Variants in MARCHF10 observed in about 807,000 individuals in gnomAD.
MARCHF10 encodes the protein membrane associated ring-CH-type finger 10.
Under a neutral mutation model 76.2 loss-of-function variants are expected in MARCHF10, and 64 were observed. That is an observed-to-expected ratio of 0.84 (90% CI 0.69 to 1.03). The LOEUF (loss-of-function observed/expected upper bound fraction) is 1.03, where lower values mean the gene tolerates loss of function less well. Ranked by LOEUF, MARCHF10 falls within the 50% of genes least tolerant of loss-of-function variation. The pLI, the probability that MARCHF10 is intolerant of heterozygous loss-of-function variation, is 0.00. For missense variants in MARCHF10, 875 were observed against 958.0 expected (o/e 0.91, Z 1.14); for synonymous variants, 340 against 357.5 (o/e 0.95, Z 0.55).
chr17:62,794,053 ACCATCACCACCT>A (rs913564422), intron 2 of MARCHF10, among the ~76,000 whole-genome samples: 15 of 141,222 alleles, frequency 1.1e-4, no homozygotes, highest in Non-Finnish European at 1.7e-4. Context: ...CTCCATAACC[ACCATCACCACCT>A]CCATCACCAC....
At chr17:62,807,047 T>C (rs896587324) in intron 1 of MARCHF10, among the ~76,000 whole-genome samples, 1 of 152,236 alleles carries the variant, frequency 6.6e-6, no homozygotes, top group African/African-American at 2.4e-5. Flanking sequence ...CTATTGTTAA[T>C]ACCGGACAAT....
At chr17:62,730,516 T>C (rs190889077) in intron 6 of MARCHF10, among the ~76,000 whole-genome samples, 10 of 152,316 alleles carry the variant, frequency 6.6e-5, no homozygotes, top group Non-Finnish European at 1.3e-4. Context: ...CACATAAATG[T>C]TTAAAACCTC....
chr17:62,750,721 G>C (rs552342957), intron 4 of MARCHF10, among the ~76,000 whole-genome samples: 6 of 152,226 alleles, frequency 3.9e-5, no homozygotes, highest in Non-Finnish European at 8.8e-5. Context: ...ACCAAGGGAA[G>C]CGGCACCAGC....
At chr17:62,782,168 G>A (rs1328168854) in intron 3 of MARCHF10, among the ~76,000 whole-genome samples, 1 of 151,898 alleles carries the variant, frequency 6.6e-6, no homozygotes, top group Non-Finnish European at 1.5e-5. Context: ...GTGGACATTG[G>A]ATCTGTCTGA....
At chr17:62,783,743 C>T (rs1447482572) in intron 3 of MARCHF10, among the ~76,000 whole-genome samples, 1 of 152,140 alleles carries the variant, frequency 6.6e-6, no homozygotes, top group Non-Finnish European at 1.5e-5. Context: ...ATACTATAAA[C>T]ACCTCTATGC....
intron 4 of MARCHF10, among the ~76,000 whole-genome samples, chr17:62,747,709 A>G (rs1316709166): frequency 6.6e-6 from 1 of 152,214 alleles, no homozygotes; most frequent in African/African-American, 2.4e-5. Context: ...ACTGAATTTG[A>G]CCAGAAACTC....
intron 6 of MARCHF10, 68 bp downstream of exon 6, chr17:62,735,863 T>C (rs2091238376): frequency 7.0e-7 from 1 of 1,438,012 alleles, no homozygotes; most frequent in Non-Finnish European, 9.5e-7. Flanking sequence ...CATGGCTCTC[T>C]AACGAAAGCA....
chr17:62,729,135 G>GT (rs2090902152), intron 6 of MARCHF10, among the ~76,000 whole-genome samples: 1 of 152,016 alleles, frequency 6.6e-6, no homozygotes, highest in African/African-American at 2.4e-5. Flanking sequence ...TAGAGACGGG[G>GT]TTTTGCCATG....
At chr17:62,731,302 G>A (rs1223748103) in intron 6 of MARCHF10, among the ~76,000 whole-genome samples, 1 of 152,066 alleles carries the variant, frequency 6.6e-6, no homozygotes, top group Non-Finnish European at 1.5e-5. Context: ...TTGCTCTGTT[G>A]CCCAGGCTGG....
At chr17:62,728,583 G>A (rs1279610268) in intron 6 of MARCHF10, among the ~76,000 whole-genome samples, 2 of 152,172 alleles carry the variant, frequency 1.3e-5, no homozygotes, top group Admixed American at 6.5e-5. Context: ...ATTGTTTAAC[G>A]AAGGGAGGAG....
chr17:62,760,028 T>G, intron 3 of MARCHF10, 22 bp from the exon 4 acceptor site: 1 of 1,605,422 alleles, frequency 6.2e-7, no homozygotes, highest in Non-Finnish European at 8.5e-7. Flanking sequence ...GAAATACGTC[T>G]GAGTCTCAGT....
intron 7 of MARCHF10, among the ~76,000 whole-genome samples, chr17:62,723,245 T>G (rs1002322968): frequency 1.3e-5 from 2 of 150,336 alleles, no homozygotes; most frequent in African/African-American, 2.5e-5. Context: ...TAGATCAGCA[T>G]TTTTATCCTA....
At position 62,762,250 on chromosome 17, in the gene MARCHF10, G is replaced by A. The variant is rs536295954; in HGVS notation, c.211-2244C>T. Reference sequence around the variant, plus strand: ...TAGTGCACTGAAGAGGTGAAAGCTTGGCCAATTAAATCATCCTGTTACCTA... The same window carrying A: ...TAGTGCACTGAAGAGGTGAAAGCTTAGCCAATTAAATCATCCTGTTACCTA... On this transcript the variant is annotated intron_variant, in intron 3 of 10. Transcript: ENST00000311269. Among the ~76,000 whole-genome samples, 6 of 152,238 alleles carry A rather than the reference G, an allele frequency of 3.9e-5. No individual in the cohort carries two copies. The East Asian group carries it at 1.2e-3, about 29-fold the overall frequency.
At chr17:62,749,012 C>G (rs1412755839) in intron 4 of MARCHF10, among the ~76,000 whole-genome samples, 1 of 152,154 alleles carries the variant, frequency 6.6e-6, no homozygotes, top group Non-Finnish European at 1.5e-5. Context: ...TCCTGTTTAT[C>G]AATGAATTTT....
At chr17:62,750,759 C>G (rs1237694941) in intron 4 of MARCHF10, among the ~76,000 whole-genome samples, 5 of 152,190 alleles carry the variant, frequency 3.3e-5, no homozygotes, top group Admixed American at 1.3e-4. Flanking sequence ...CCAACAGTCT[C>G]CAGCGTCCCT....
At chr17:62,776,868 G>C (rs1420418007) in intron 3 of MARCHF10, among the ~76,000 whole-genome samples, 1 of 152,208 alleles carries the variant, frequency 6.6e-6, no homozygotes, top group Non-Finnish European at 1.5e-5. Context: ...GGAACCTGGT[G>C]TTTTAAAGAA....
chr17:62,701,836 C>T, intron 10 of MARCHF10, 78 bp from the exon 11 acceptor site: 1 of 1,579,618 alleles, frequency 6.3e-7, no homozygotes, highest in Non-Finnish European at 8.7e-7. Flanking sequence ...GGCACTGCTG[C>T]TTCATCTTCT....
intron 8 of MARCHF10, among the ~76,000 whole-genome samples, chr17:62,714,787 C>T (rs2090108188): frequency 1.3e-5 from 2 of 152,086 alleles, no homozygotes; most frequent in South Asian, 4.2e-4. Flanking sequence ...ACTCTGTTGC[C>T]CAGGCTGGAG....
chr17:62,805,866 C>G (rs977170940), intron 1 of MARCHF10, among the ~76,000 whole-genome samples: 1 of 151,242 alleles, frequency 6.6e-6, no homozygotes, highest in African/African-American at 2.4e-5. Flanking sequence ...GAGCCAAGAT[C>G]GCACCACTGC....
Sources: allele counts gnomAD v4.1 joint callset (sites outside exome capture counted in the v4.1 genomes callset), GRCh38; gene constraint gnomAD v4.1.1; transcripts MANE v1.5; gene names NCBI Gene and HGNC (gene_info 2026-07-23, HGNC 2026-07-21).